RNF10: variants seen among roughly 807,000 people sequenced by gnomAD.
The protein encoded by RNF10 is E3 ubiquitin-protein ligase RNF10.
Under a neutral mutation model 91.4 loss-of-function variants are expected in RNF10, and 38 were observed. The observed-to-expected ratio is 0.42, with a 90% CI of 0.32 to 0.54. RNF10 has a LOEUF of 0.54. Ranked by LOEUF, RNF10 falls within the 20% of genes least tolerant of loss-of-function variation. The pLI is 0.16. For missense variants in RNF10, 945 were observed against 1,012.0 expected (o/e 0.93, Z 0.90); for synonymous variants, 364 against 366.3 (o/e 0.99, Z 0.07).
intron 10 of RNF10, 29 bp downstream of exon 10, chr12:120,563,972 C>A: frequency 6.2e-7 from 1 of 1,613,666 alleles, no homozygotes; most frequent in South Asian, 1.1e-5. Flanking sequence ...AATGGAGGGT[C>A]AGGCAGCAGT....
chr12:120,560,090 T>C (rs1179700736), intron 6 of RNF10, among the ~76,000 whole-genome samples: 1 of 152,032 alleles, frequency 6.6e-6, no homozygotes, highest in Non-Finnish European at 1.5e-5. Flanking sequence ...ACCATTTCTT[T>C]ATTCTTTATT....
chr12:120,573,567 C>A (rs79704806), intron 14 of RNF10, among the ~76,000 whole-genome samples: 5 of 150,924 alleles, frequency 3.3e-5, no homozygotes, highest in Non-Finnish European at 5.9e-5. Flanking sequence ...AAAGATTACC[C>A]GACGCCGAGT....
rs373521218 is a variant in RNF10, at chr12:120,546,399, T to G, written c.158-6T>G. 1.6e-4 allele frequency: 262 copies of G among 1,603,850 alleles called. 1 individual carries two copies. In the African/African-American group the frequency reaches 3.3e-3, roughly 20 times the overall value. On this transcript the variant is annotated splice_polypyrimidine_tract_variant and splice_region_variant and intron_variant, in intron 1 of 16. Coordinates refer to ENST00000325954, the MANE Select transcript of RNF10 (RefSeq NM_014868.5). ...TAAGACGTTCTTTTGTGTTTCTTGC[T>G]TTCAGATGGAAAGAACTCCAGTGGA... is the stretch of plus-strand genomic sequence containing the variant.
chr12:120,551,709 C>T (rs1043052554), intron 2 of RNF10, among the ~76,000 whole-genome samples: 7 of 152,156 alleles, frequency 4.6e-5, no homozygotes, highest in Admixed American at 3.9e-4. Flanking sequence ...TCATAGTGCA[C>T]TGCAACCTTG....
At chr12:120,552,444 C>G in intron 2 of RNF10, 55 bp from the exon 3 acceptor site, 4 of 1,463,980 alleles carry the variant, frequency 2.7e-6, no homozygotes, top group Non-Finnish European at 3.8e-6. Flanking sequence ...TGGGTTTCTG[C>G]TATAAATCAG....
At chr12:120,556,760 CT>C in intron 4 of RNF10, among the ~76,000 whole-genome samples, 1 of 151,938 alleles carries the variant, frequency 6.6e-6, no homozygotes, top group African/African-American at 2.4e-5. Context: ...TGATTTGTCA[CT>C]TTTTTCTATT....
intron 14 of RNF10, among the ~76,000 whole-genome samples, chr12:120,573,082 G>A (rs73230322): frequency 0.045 from 6,906 of 152,172 alleles, 264 homozygotes; most frequent in South Asian, 0.1. Context: ...GTGTTGAAAA[G>A]AAGTTGCAGA....
chr12:120,551,290 GTTTTTTTTTT>G (rs63002361), intron 2 of RNF10, among the ~76,000 whole-genome samples: 5 of 83,220 alleles, frequency 6.0e-5, no homozygotes, highest in Admixed American at 1.7e-4. Context: ...CCATCCTAGT[GTTTTTTTTTT>G]TTTTTTTTTT....
At chr12:120,555,351 T>C (rs1325674474) in intron 4 of RNF10, among the ~76,000 whole-genome samples, 2 of 151,296 alleles carry the variant, frequency 1.3e-5, no homozygotes, top group Non-Finnish European at 2.9e-5. Context: ...CTGGCTAATT[T>C]TTGTATTTTT....
intron 6 of RNF10, 43 bp from the exon 7 acceptor site, chr12:120,560,683 C>A (rs781337403): frequency 5.3e-5 from 84 of 1,590,078 alleles, no homozygotes; most frequent in Non-Finnish European, 7.2e-5. Flanking sequence ...CCATCGTGAG[C>A]TTTGAATGTT....
chr12:120,556,351 G>C (rs1376310407), intron 4 of RNF10, among the ~76,000 whole-genome samples: 1 of 149,282 alleles, frequency 6.7e-6, no homozygotes, highest in Non-Finnish European at 1.5e-5. Flanking sequence ...TGGCTAACAC[G>C]GTGAAACCCC....
At chr12:120,567,642 A>C (rs1398899983) in intron 13 of RNF10, among the ~76,000 whole-genome samples, 2 of 151,618 alleles carry the variant, frequency 1.3e-5, no homozygotes, top group African/African-American at 4.8e-5. Flanking sequence ...CGGAGGTCTC[A>C]GTGAGACAAG....
chr12:120,577,139 A>G lies in RNF10; in HGVS notation c.*473A>G, dbSNP rs909811702. The stretch of plus-strand genomic sequence containing the variant: ...ATTTAGTTCTCCTTGTTAAAGAAAC[A>G]GGGGTGGGAATAAAATGGATTTAGG... On this transcript the variant is annotated 3_prime_UTR_variant, in exon 17 of 17. Coordinates refer to ENST00000325954, the MANE Select transcript of RNF10 (RefSeq NM_014868.5). 1.8e-5 allele frequency: 8 copies of G among 443,618 alleles called. No homozygotes were observed. The highest frequency in any genetic ancestry group is 1.2e-4 in the African/African-American group (6 of 48,960). The allele number at this position is 443,618 out of a possible 1,614,324, so 27.5% of individuals were successfully genotyped here. A position where few individuals can be genotyped will look rare whatever the true frequency, so the allele number is the denominator to read the frequency against.
At chr12:120,569,421 T>C (rs1021733154) in intron 13 of RNF10, among the ~76,000 whole-genome samples, 2 of 152,046 alleles carry the variant, frequency 1.3e-5, no homozygotes, top group South Asian at 4.2e-4. Context: ...TGGCAAGAAC[T>C]GGGATTAGAA....
rs553275731 is a variant in RNF10, at chr12:120,563,384, C to T, written c.1292C>T (p.Thr431Ile). The T allele has an allele frequency of 3.1e-6, 5 of 1,613,670 alleles. No homozygotes were observed. The African/African-American group carries it at 6.7e-5, about 22-fold the overall frequency. Residue 431 changes from threonine (T) to isoleucine (I), a missense_variant, in exon 9 of 17, where the codon ACC (threonine) becomes ATC (isoleucine). Coordinates refer to ENST00000325954, the MANE Select transcript of RNF10 (RefSeq NM_014868.5). ...TATCTGTCTGCCTTCGATGAAGAAA[C>T]CACGGAAGTTTGTTCTCTGGACACT... ...LEYLSAFDEE[T>I]TEVCSLDTPS...
At chr12:120,572,107 C>G (rs1253612967) in intron 14 of RNF10, among the ~76,000 whole-genome samples, 2 of 151,882 alleles carry the variant, frequency 1.3e-5, no homozygotes, top group Non-Finnish European at 2.9e-5. Flanking sequence ...CTCCCTGTCC[C>G]CCAGGCTGGA....
intron 2 of RNF10, among the ~76,000 whole-genome samples, chr12:120,552,216 G>A (rs1185522858): frequency 6.6e-6 from 1 of 151,962 alleles, no homozygotes; most frequent in African/African-American, 2.4e-5. Context: ...TCAACATGGC[G>A]AAACCCTGTC....
At chr12:120,539,451 A>C in intron 1 of RNF10, 2 of 1,286,806 alleles carry the variant, frequency 1.6e-6, no homozygotes, top group Non-Finnish European at 2.0e-6. Context: ...GGTGCTTGTC[A>C]ACTACTCTGG....
intron 10 of RNF10, 68 bp from the exon 11 acceptor site, chr12:120,565,004 G>A (rs1164042817): frequency 5.0e-6 from 5 of 1,000,606 alleles, no homozygotes; most frequent in Non-Finnish European, 6.4e-6. Context: ...TTGGATATCG[G>A]GGTTAGGACC....
Sources: allele counts gnomAD v4.1 joint callset (sites outside exome capture counted in the v4.1 genomes callset), GRCh38; gene constraint gnomAD v4.1.1; transcripts MANE v1.5; gene names NCBI Gene and HGNC (gene_info 2026-07-23, HGNC 2026-07-21).